DNAH7: variants seen among roughly 807,000 people sequenced by gnomAD.
DNAH7 encodes the protein axonemal beta dynein heavy chain 7.
DNAH7 carries 397 observed loss-of-function variants against 444.6 expected under a neutral mutation model. That is an observed-to-expected ratio of 0.89 (90% CI 0.82 to 0.97). The LOEUF (loss-of-function observed/expected upper bound fraction) is 0.97. Ranked by LOEUF, DNAH7 falls within the 50% of genes least tolerant of loss-of-function variation. The probability of loss-of-function intolerance (pLI) is 0.00; values close to 1 mark genes in which losing one functional copy is unlikely to be tolerated. For synonymous variants in DNAH7, 1,636 were observed against 1,624.4 expected (o/e 1.01, Z -0.17); for missense variants, 4,902 against 4,800.8 (o/e 1.02, Z -0.62).
chr2:195,760,087 T>C (rs918862555), intron 61 of DNAH7, among the ~76,000 whole-genome samples: 18 of 152,272 alleles, frequency 1.2e-4, no homozygotes, highest in African/African-American at 4.3e-4. Context: ...TAAAGACCCC[T>C]TGGGCCTTGA....
chr2:195,870,317 A>G (rs1415498523), intron 40 of DNAH7, among the ~76,000 whole-genome samples: 1 of 152,212 alleles, frequency 6.6e-6, no homozygotes, highest in Admixed American at 6.5e-5. Context: ...GCAGTAAAAA[A>G]TCAAGGGGGG....
chr2:195,779,381 A>C (rs986383108), intron 58 of DNAH7, among the ~76,000 whole-genome samples: 8 of 152,212 alleles, frequency 5.3e-5, no homozygotes, highest in Non-Finnish European at 1.5e-5. Flanking sequence ...AAAGAAGCTT[A>C]TAAAAAGCAA....
chr2:195,950,873 A>AAAC (rs1690199906), intron 19 of DNAH7, among the ~76,000 whole-genome samples: 2 of 149,184 alleles, frequency 1.3e-5, no homozygotes, highest in Admixed American at 6.7e-5. Context: ...AAAAAAAAAA[A>AAAC]AAAAAACCCA....
intron 2 of DNAH7, among the ~76,000 whole-genome samples, chr2:196,054,757 T>C (rs949504386): frequency 2.6e-5 from 4 of 152,142 alleles, no homozygotes; most frequent in African/African-American, 7.2e-5. Context: ...GTTTCCCCCA[T>C]GCTAGTCTTG....
At chr2:195,861,095 C>T (rs1156381418) in intron 42 of DNAH7, among the ~76,000 whole-genome samples, 1 of 151,852 alleles carries the variant, frequency 6.6e-6, no homozygotes, top group Non-Finnish European at 1.5e-5. Flanking sequence ...CACATTAATC[C>T]AAGGTCCCCT....
intron 16 of DNAH7, 91 bp downstream of exon 16, chr2:195,972,151 T>A: frequency 1.0e-6 from 1 of 989,862 alleles, no homozygotes; most frequent in Non-Finnish European, 1.5e-6. Flanking sequence ...TAAAAAAGTA[T>A]GCACTCAAAT....
chr2:196,067,609 G>A (rs13387132), intron 1 of DNAH7, among the ~76,000 whole-genome samples: 8,478 of 151,992 alleles, frequency 0.056, 375 homozygotes, highest in African/African-American at 0.13. Flanking sequence ...GAGCATTTCA[G>A]GTATTAATTA....
chr2:195,847,928 C>T (rs1381596442), intron 46 of DNAH7, among the ~76,000 whole-genome samples: 1 of 152,094 alleles, frequency 6.6e-6, no homozygotes, highest in African/African-American at 2.4e-5. Context: ...GCTCAGGAAC[C>T]CGGGCGGTAC....
At chr2:195,803,755 T>A (rs962928339) in intron 54 of DNAH7, among the ~76,000 whole-genome samples, 1 of 152,244 alleles carries the variant, frequency 6.6e-6, no homozygotes, top group African/African-American at 2.4e-5. Flanking sequence ...ACAAGTTTCT[T>A]ATTGAAAGCT....
chr2:195,777,919 C>T lies in DNAH7; in HGVS notation c.10945G>A (p.Asp3649Asn), dbSNP rs771599198. 1 of 1,614,068 alleles carries T rather than the reference C, an allele frequency of 6.2e-7. No homozygotes were observed. Among genetic ancestry groups the T allele is most frequent in the Admixed American group, 1.7e-5 (1 of 60,010 alleles). Residue 3649 changes from aspartate to asparagine, a missense_variant, in exon 59 of 65, where the codon GAC (aspartate) becomes AAC (asparagine). By Grantham distance (23) the Asp-to-Asn change is conservative. Coordinates refer to ENST00000312428, the MANE Select transcript of DNAH7 (RefSeq NM_018897.3). ...ECNYGGRVTD[D>N]WDRRTLRSIL... ...CTGCGCAGCGTGCGCCGGTCCCAGT[C>T]ATCGGTCACTCTGCCTCCGTAATTG...
intron 63 of DNAH7, among the ~76,000 whole-genome samples, chr2:195,751,163 A>G (rs1170092031): frequency 1.3e-5 from 2 of 152,194 alleles, no homozygotes; most frequent in African/African-American, 2.4e-5. Context: ...TGTTAAGAAT[A>G]AAGGGATTTT....
intron 54 of DNAH7, among the ~76,000 whole-genome samples, chr2:195,804,818 G>T (rs1696630522): frequency 2.0e-5 from 3 of 151,790 alleles, no homozygotes; most frequent in African/African-American, 4.9e-5. Context: ...AAATACTGAT[G>T]AGTAGTATTG....
At chr2:195,843,912 C>T (rs1464728847) in intron 47 of DNAH7, among the ~76,000 whole-genome samples, 20 of 151,970 alleles carry the variant, frequency 1.3e-4, no homozygotes, top group Admixed American at 7.9e-4. Context: ...CTGCCTAACA[C>T]GGTGAAACCC....
intron 46 of DNAH7, among the ~76,000 whole-genome samples, chr2:195,847,114 T>C (rs1332259061): frequency 2.0e-5 from 3 of 147,436 alleles, no homozygotes; most frequent in Non-Finnish European, 4.5e-5. Context: ...GATGGTGGGA[T>C]ATCGGATATA....
intron 64 of DNAH7, 67 bp downstream of exon 64, chr2:195,740,697 ATT>A (rs1337378279): frequency 1.5e-5 from 7 of 478,866 alleles, no homozygotes; most frequent in African/African-American, 2.1e-5. Context: ...TATGGGGTCT[ATT>A]TTATATATAA....
At chr2:195,790,713 T>G (rs182318634) in intron 57 of DNAH7, among the ~76,000 whole-genome samples, 53 of 152,258 alleles carry the variant, frequency 3.5e-4, no homozygotes, top group Middle Eastern at 3.4e-3. Flanking sequence ...AAGACTTCAA[T>G]GTAAAAACTC....
chr2:195,869,051 C>T (rs1056329818), intron 40 of DNAH7, among the ~76,000 whole-genome samples: 9 of 151,890 alleles, frequency 5.9e-5, no homozygotes, highest in African/African-American at 1.7e-4. Context: ...CCTTGTTACA[C>T]AGCCATGAAA....
intron 63 of DNAH7, among the ~76,000 whole-genome samples, chr2:195,745,354 GT>G (rs1693331205): frequency 6.6e-6 from 1 of 152,214 alleles, no homozygotes; most frequent in South Asian, 2.1e-4. Flanking sequence ...ATGGGATTAT[GT>G]GAAAAGACCA....
intron 48 of DNAH7, among the ~76,000 whole-genome samples, chr2:195,825,489 T>C (rs1574500826): frequency 6.6e-6 from 1 of 152,210 alleles, no homozygotes; most frequent in African/African-American, 2.4e-5. Context: ...TAATAGTGTA[T>C]CATATTAGTG....
Sources: allele counts gnomAD v4.1 joint callset (sites outside exome capture counted in the v4.1 genomes callset), GRCh38; gene constraint gnomAD v4.1.1; transcripts MANE v1.5; gene names NCBI Gene and HGNC (gene_info 2026-07-23, HGNC 2026-07-21).